CCNB3: variants seen among roughly 807,000 people sequenced by gnomAD.
CCNB3 encodes cyclin B3.
In CCNB3, 12 loss-of-function variants were observed where a neutral mutation model predicts 68.0. The ratio of observed to expected loss-of-function variants is 0.18; its 90% CI spans 0.11 to 0.29. The LOEUF is 0.29. CCNB3 is among the 10% of genes least tolerant of loss of function. The probability of loss-of-function intolerance (pLI) is 1.00; values close to 1 mark genes in which losing one functional copy is unlikely to be tolerated. For synonymous variants in CCNB3, 354 were observed against 388.9 expected (o/e 0.91, Z 1.06); for missense variants, 904 against 993.1 (o/e 0.91, Z 1.21).
chrX:50,228,292 AATAC>A (rs1935961935), intron 1 of CCNB3, among the ~76,000 whole-genome samples: 1 of 94,023 alleles, frequency 1.1e-5, no homozygotes, highest in Non-Finnish European at 2.1e-5. Context: ...AATATATATA[AATAC>A]ATATATAGAG....
chrX:50,337,786 C>A (rs1268430855), intron 8 of CCNB3, among the ~76,000 whole-genome samples: 7 of 111,808 alleles, frequency 6.3e-5, no homozygotes, highest in Non-Finnish European at 9.4e-5. Flanking sequence ...AGGGCACACA[C>A]ACACTTTTAC....
intron 8 of CCNB3, among the ~76,000 whole-genome samples, chrX:50,317,567 G>GTATGTATT (rs1409621892): frequency 0.01 from 1,134 of 108,349 alleles, 15 homozygotes; most frequent in African/African-American, 0.037. Flanking sequence ...ATGTATGTAT[G>GTATGTATT]TATTTATTTA....
chrX:50,281,265 T>C (rs1015630842), intron 1 of CCNB3, among the ~76,000 whole-genome samples: 1 of 111,617 alleles, frequency 9.0e-6, no homozygotes, highest in Non-Finnish European at 1.9e-5. Flanking sequence ...CAATCACCAC[T>C]GCACTTCATG....
chrX:50,226,260 A>ATATATATAGAATATATATATTTC (rs1935783794), intron 1 of CCNB3, among the ~76,000 whole-genome samples: 1 of 65,610 alleles, frequency 1.5e-5, no homozygotes, highest in Non-Finnish European at 2.6e-5. Flanking sequence ...ATATATATTT[A>ATATATATAGAATATATATATTTC]TATATATAGA....
intron 10 of CCNB3, 89 bp downstream of exon 10, chrX:50,346,896 G>A: frequency 4.2e-6 from 4 of 954,414 alleles, no homozygotes; most frequent in Non-Finnish European, 5.7e-6. Context: ...GTAGGAAAGG[G>A]GAAAGGGACA....
At chrX:50,214,926 C>A (rs1935546650) in intron 1 of CCNB3, among the ~76,000 whole-genome samples, 1 of 106,970 alleles carries the variant, frequency 9.3e-6, no homozygotes, top group South Asian at 4.1e-4. Context: ...TTTGATTAAA[C>A]CTTCATCTTT....
At chrX:50,282,380 A>C (rs1248264602) in intron 1 of CCNB3, among the ~76,000 whole-genome samples, 1 of 111,451 alleles carries the variant, frequency 9.0e-6, no homozygotes, top group Non-Finnish European at 1.9e-5. Flanking sequence ...GCCTTTATAT[A>C]AAAAATGAAG....
chrX:50,342,995 C>T (rs1406105238), intron 9 of CCNB3, among the ~76,000 whole-genome samples: 2 of 111,849 alleles, frequency 1.8e-5, no homozygotes, highest in Non-Finnish European at 3.8e-5. Context: ...GTGTGAGCCA[C>T]TGTGCCTGAC....
rs782524458 is a variant in CCNB3, at chrX:50,308,599, A to C, written c.430A>C (p.Lys144Gln). Residue 144 changes from lysine (K) to glutamine (Q), a missense_variant, in exon 6 of 13, where the codon AAA becomes CAA. Physicochemically the swap from Lys to Gln is moderately conservative, Grantham distance 53. Transcript: ENST00000376042. ...PLILDISTTS[K>Q]TPNTEEASLF... is the part of the protein sequence containing the mutation. ...CATTCTAGACATATCCACCACCTCC[A>C]AAACACCCAACACTGAGGAGGCATC... 7 of 1,207,215 alleles carry C rather than the reference A, an allele frequency of 5.8e-6. No homozygotes were observed. The Admixed American group carries it at 8.8e-5, about 15-fold the overall frequency.
chrX:50,280,343 GT>G (rs1224317027), intron 1 of CCNB3, among the ~76,000 whole-genome samples: 6 of 101,270 alleles, frequency 5.9e-5, no homozygotes, highest in African/African-American at 3.6e-5. Context: ...CTATATTCTA[GT>G]TCCTGGCACA....
intron 3 of CCNB3, 93 bp downstream of exon 3, chrX:50,285,352 T>C: frequency 2.9e-6 from 2 of 700,326 alleles, no homozygotes; most frequent in Non-Finnish European, 4.5e-6. Context: ...TTTTGAAATA[T>C]GTCTGGTTTA....
chrX:50,342,409 T>G, intron 9 of CCNB3, 70 bp downstream of exon 9: 18 of 941,861 alleles, frequency 1.9e-5, no homozygotes, highest in East Asian at 3.2e-5. Flanking sequence ...GAATATATAT[T>G]CATATATATT....
In CCNB3 at chrX:50,311,090, G is replaced by A; in HGVS notation, c.2921G>A (p.Ser974Asn). The change falls in exon 6 of 13, where the codon AGC becomes AAC. Residue 974 changes from serine to asparagine, a missense_variant. By Grantham distance (46) the Ser-to-Asn change is conservative. Around this residue, in one of 2 missense-constraint regions of CCNB3, gnomAD observed 285 missense variants for 383.4 expected, o/e 0.74. Transcript: ENST00000376042. The part of the protein sequence containing the change: ...KTLLVPQVGT[S>N]PNVSSTAPES... The stretch of plus-strand genomic sequence containing the variant: ...TTGTTGGTCCCCCAAGTTGGAACCA[G>A]CCCAAATGTGTCTAGCACTGCCCCT... The A allele has an allele frequency of 1.7e-6, 2 of 1,210,303 alleles. No homozygotes were observed. The highest frequency in any genetic ancestry group is 2.2e-6 in the Non-Finnish European group (2 of 895,261).
chrX:50,338,542 C>G (rs973907324), intron 8 of CCNB3, among the ~76,000 whole-genome samples: 82 of 112,030 alleles, frequency 7.3e-4, no homozygotes, highest in African/African-American at 2.6e-3. Flanking sequence ...CATACAATGT[C>G]TGGTATCTAT....
chrX:50,316,957 A>C (rs1372407128), intron 8 of CCNB3, among the ~76,000 whole-genome samples: 1 of 112,424 alleles, frequency 8.9e-6, no homozygotes, highest in African/African-American at 3.2e-5. Flanking sequence ...ATGTCAGCAC[A>C]CAGGAGTGGG....
intron 1 of CCNB3, among the ~76,000 whole-genome samples, chrX:50,284,289 A>G (rs1936196223): frequency 9.0e-6 from 1 of 111,186 alleles, no homozygotes; most frequent in African/African-American, 3.3e-5. Context: ...ATTCTAGGTG[A>G]AAAATCTTTT....
chrX:50,342,061 G>A lies in CCNB3; in HGVS notation c.3517-141G>A, dbSNP rs1353267149. Reference sequence around the variant, plus strand: ...AGATATACACAGGAACCTAGCTGAAGCAGTTTCTGTATTCGTAGCAGAGTC... The same window carrying A: ...AGATATACACAGGAACCTAGCTGAAACAGTTTCTGTATTCGTAGCAGAGTC... On this transcript the variant is annotated intron_variant, in intron 8 of 12. Transcript: ENST00000376042. 18 of 636,979 alleles carry A rather than the reference G, an allele frequency of 2.8e-5. No individual in the cohort carries two copies. The Admixed American group carries it at 4.5e-4, about 16-fold the overall frequency. 52.5% of individuals were successfully genotyped at this position (636,979 alleles called of 1,213,427 possible). A position where few individuals can be genotyped will look rare whatever the true frequency, so the allele number is the denominator to read the frequency against.
intron 10 of CCNB3, among the ~76,000 whole-genome samples, chrX:50,347,252 A>C (rs1423270048): frequency 9.1e-6 from 1 of 110,321 alleles, no homozygotes; most frequent in African/African-American, 3.3e-5. Flanking sequence ...TTTAAATAAG[A>C]AAAGGGAAAA....
chrX:50,279,872 A>G (rs1332196830), intron 1 of CCNB3, among the ~76,000 whole-genome samples: 3 of 87,407 alleles, frequency 3.4e-5, no homozygotes, highest in Admixed American at 1.6e-4. Flanking sequence ...CTATATATAA[A>G]ATATATATAG....
Sources: gnomAD v4.1 joint callset for allele counts (sites outside exome capture counted in the v4.1 genomes callset) on GRCh38, gnomAD v4.1.1 for gene constraint, gnomAD v4.1.1 regional missense constraint, MANE v1.5 for transcripts, NCBI Gene and HGNC (gene_info 2026-07-23, HGNC 2026-07-21) for gene names.